EYA2: variants seen among roughly 807,000 people sequenced by gnomAD.
EYA2 encodes EYA transcriptional coactivator and phosphatase 2, also known as protein phosphatase EYA2.
Under a neutral mutation model 69.2 loss-of-function variants are expected in EYA2, and 31 were observed. That is an observed-to-expected ratio of 0.45 (90% CI 0.34 to 0.60). EYA2 has a LOEUF of 0.60. Ranked by LOEUF, EYA2 falls within the 20% of genes least tolerant of loss-of-function variation. The pLI is 0.02. For synonymous variants in EYA2, 257 were observed against 279.4 expected (o/e 0.92, Z 0.80); for missense variants, 622 against 701.2 (o/e 0.89, Z 1.28).
chr20:47,117,767 C>T, intron 9 of EYA2: 1 of 868,208 alleles, frequency 1.2e-6, no homozygotes, highest in Non-Finnish European at 1.4e-6. Context: ...TTCAGAGGAC[C>T]ACAGATTCTT....
At chr20:47,123,963 C>T (rs2033115104) in intron 9 of EYA2, among the ~76,000 whole-genome samples, 3 of 147,394 alleles carry the variant, frequency 2.0e-5, no homozygotes, top group African/African-American at 7.5e-5. Context: ...GCCTGGGTGA[C>T]AGAGTGAGAT....
chr20:47,150,566 C>T (rs1464969157), intron 10 of EYA2, among the ~76,000 whole-genome samples: 1 of 151,192 alleles, frequency 6.6e-6, no homozygotes, highest in Non-Finnish European at 1.5e-5. Flanking sequence ...CTCCTGGGCT[C>T]AAGCCATCCT....
At chr20:47,035,297 C>A (rs141938909) in intron 5 of EYA2, among the ~76,000 whole-genome samples, 1 of 152,146 alleles carries the variant, frequency 6.6e-6, no homozygotes, top group Non-Finnish European at 1.5e-5. Flanking sequence ...ATGGTCTAGG[C>A]CCCAGCAAGT....
chr20:47,183,504 T>C, intron 15 of EYA2, 113 bp downstream of exon 15: 1 of 829,254 alleles, frequency 1.2e-6, no homozygotes, highest in Non-Finnish European at 1.9e-6. Context: ...TGGGTCCTCC[T>C]TCCCAGGCTC....
chr20:46,986,761 GTTC>G (rs945013697), intron 1 of EYA2, among the ~76,000 whole-genome samples: 5 of 152,140 alleles, frequency 3.3e-5, no homozygotes, highest in African/African-American at 1.2e-4. Flanking sequence ...TAAACAACTA[GTTC>G]TTCTGTGAAC....
rs8123245 is a variant in EYA2 at position 47,182,355 on chromosome 20, C to T, written c.1436-936C>T. On this transcript the variant is annotated intron_variant, in intron 14 of 15. Transcript: ENST00000327619. Reference sequence around the variant, plus strand: ...AAAAATGGTTAAGATGGGTCAGGCGCGGTGGCTCACGCCTGTAATCCCAGC... The same window carrying T: ...AAAAATGGTTAAGATGGGTCAGGCGTGGTGGCTCACGCCTGTAATCCCAGC... Among the ~76,000 whole-genome samples, 2,701 of 149,382 alleles carry T rather than the reference C, an allele frequency of 0.018. 119 individuals are homozygous for T. In the East Asian group the frequency reaches 0.19, roughly 10 times the overall value.
chr20:46,963,358 AGTC>A (rs1979588366), intron 1 of EYA2, among the ~76,000 whole-genome samples: 1 of 152,216 alleles, frequency 6.6e-6, no homozygotes, highest in African/African-American at 2.4e-5. Context: ...CACATCAGTC[AGTC>A]GTCAAAAAAG....
chr20:47,033,392 G>C (rs1984528670), intron 5 of EYA2, among the ~76,000 whole-genome samples: 1 of 152,200 alleles, frequency 6.6e-6, no homozygotes, highest in Admixed American at 6.5e-5. Context: ...CATTGTTATA[G>C]ATGACACATA....
chr20:47,110,134 A>G (rs2032707618), intron 9 of EYA2, among the ~76,000 whole-genome samples: 1 of 152,168 alleles, frequency 6.6e-6, no homozygotes, highest in African/African-American at 2.4e-5. Context: ...TGCTCCCTTT[A>G]TACTCATTTC....
intron 1 of EYA2, among the ~76,000 whole-genome samples, chr20:46,958,289 T>C (rs1165561906): frequency 6.6e-6 from 1 of 152,162 alleles, no homozygotes; most frequent in Non-Finnish European, 1.5e-5. Flanking sequence ...GCTCTCCTGC[T>C]CCTTTGAGAG....
At chr20:47,039,736 A>G (rs1463966192) in intron 5 of EYA2, among the ~76,000 whole-genome samples, 2 of 151,560 alleles carry the variant, frequency 1.3e-5, no homozygotes, top group African/African-American at 4.8e-5. Context: ...CCTGGGTTCA[A>G]ATCCTGGTTT....
intron 1 of EYA2, among the ~76,000 whole-genome samples, chr20:46,907,146 T>C (rs1485839004): frequency 1.3e-5 from 2 of 152,162 alleles, no homozygotes; most frequent in African/African-American, 4.8e-5. Context: ...TTAAAAGCTA[T>C]TGATTACCTG....
At chr20:47,016,362 C>A in intron 5 of EYA2, 65 bp downstream of exon 5, 3 of 1,193,662 alleles carry the variant, frequency 2.5e-6, no homozygotes, top group Non-Finnish European at 3.8e-6. Flanking sequence ...GGTGTCCATT[C>A]ATTCATTCAT....
intron 1 of EYA2, among the ~76,000 whole-genome samples, chr20:46,905,732 G>C (rs1176345301): frequency 6.6e-6 from 1 of 152,160 alleles, no homozygotes; most frequent in Non-Finnish European, 1.5e-5. Context: ...CCTGCTGTGT[G>C]TCTTCGGGCA....
At chr20:47,144,721 A>T (rs1409856552) in intron 10 of EYA2, among the ~76,000 whole-genome samples, 1 of 152,230 alleles carries the variant, frequency 6.6e-6, no homozygotes, top group Non-Finnish European at 1.5e-5. Context: ...ATCTGTTTCA[A>T]AGAGCAGAAC....
Position 47,049,231 on chromosome 20 carries a change from G to C in EYA2, c.416-22954G>C, listed in dbSNP as rs147656336. The stretch of plus-strand genomic sequence containing the variant: ...GCCCTTCTCCCGCTTTCCCTAATGT[G>C]AACCTCTTACATAACCATCGGGCAG... On this transcript the variant is annotated intron_variant, in intron 5 of 15. Coordinates refer to ENST00000327619, the MANE Select transcript of EYA2 (RefSeq NM_005244.5). 3.1e-3 allele frequency among the ~76,000 whole-genome samples: 470 copies of C among 152,320 alleles called. 2 individuals carry two copies. Among genetic ancestry groups the C allele is most frequent in the African/African-American group, 0.011 (445 of 41,560 alleles).
In EYA2 at chr20:46,960,434, A is replaced by G. The variant is rs138113451; in HGVS notation, c.-10-29567A>G. ...CCGGGTGCTGCCTGGGGGGCTTTACATGAATTGATTTACTTAATCATCCCA... is the reference window on the plus strand; with the variant it reads ...CCGGGTGCTGCCTGGGGGGCTTTACGTGAATTGATTTACTTAATCATCCCA... On this transcript the variant is annotated intron_variant, in intron 1 of 15. Transcript: ENST00000327619. 3.5e-3 allele frequency among the ~76,000 whole-genome samples: 529 copies of G among 152,234 alleles called. 4 individuals are homozygous for G. In the Middle Eastern group the frequency reaches 0.044, roughly 13 times the overall value.
intron 3 of EYA2, 163 bp from the exon 4 acceptor site, chr20:47,004,779 T>C: frequency 1.1e-6 from 1 of 931,250 alleles, no homozygotes; most frequent in South Asian, 1.5e-5. Context: ...ATCTTCCTGC[T>C]TCCCAGGCAG....
At chr20:47,120,273 G>A (rs938574581) in intron 9 of EYA2, among the ~76,000 whole-genome samples, 3 of 152,130 alleles carry the variant, frequency 2.0e-5, no homozygotes, top group Non-Finnish European at 4.4e-5. Context: ...CTACTCAGGA[G>A]GCTGAGGTGG....
Sources: allele counts gnomAD v4.1 joint callset (sites outside exome capture counted in the v4.1 genomes callset), GRCh38; gene constraint gnomAD v4.1.1; transcripts MANE v1.5; gene names NCBI Gene and HGNC (gene_info 2026-07-23, HGNC 2026-07-21).